FHIT: variants seen among roughly 807,000 people sequenced by gnomAD.
The protein encoded by FHIT is bis(5'-adenosyl)-triphosphatase.
Under a neutral mutation model 17.9 loss-of-function variants are expected in FHIT, and 19 were observed. The ratio of observed to expected loss-of-function variants is 1.06; its 90% CI spans 0.74 to 1.56. The LOEUF is 1.56. Among genes scored for constraint, FHIT ranks in the 40% most tolerant of loss-of-function variants. FHIT has a pLI of 0.00. For synonymous variants in FHIT, 81 were observed against 69.7 expected (o/e 1.16, Z -0.81); for missense variants, 248 against 189.2 (o/e 1.31, Z -1.82).
At chr3:61,141,099 C>A (rs554872956) in intron 2 of FHIT, among the ~76,000 whole-genome samples, 1 of 152,110 alleles carries the variant, frequency 6.6e-6, no homozygotes, top group South Asian at 2.1e-4. Context: ...GTCATCTGAT[C>A]ACCTTTCACA....
chr3:61,175,053 C>A (rs562375091), intron 2 of FHIT, among the ~76,000 whole-genome samples: 14 of 151,954 alleles, frequency 9.2e-5, no homozygotes, highest in Non-Finnish European at 1.5e-4. Flanking sequence ...GCGAAACCCT[C>A]ACGAAAGGTT....
chr3:60,035,422 G>A (rs1465848779), intron 5 of FHIT, among the ~76,000 whole-genome samples: 2 of 152,202 alleles, frequency 1.3e-5, no homozygotes, highest in African/African-American at 2.4e-5. Context: ...ATTTTTAGTA[G>A]AGAAGAGGTT....
intron 5 of FHIT, among the ~76,000 whole-genome samples, chr3:60,185,372 T>C (rs1487193773): frequency 6.6e-6 from 1 of 152,208 alleles, no homozygotes; most frequent in African/African-American, 2.4e-5. Flanking sequence ...AGTTGCATCA[T>C]GCAGTAGATA....
At chr3:60,732,571 G>A (rs948955193) in intron 4 of FHIT, 16 of 612,182 alleles carry the variant, frequency 2.6e-5, no homozygotes, top group African/African-American at 7.3e-5. Context: ...CAAACAGCTC[G>A]AAGGAGACGC....
intron 5 of FHIT, among the ~76,000 whole-genome samples, chr3:60,099,161 T>C (rs907736265): frequency 2.0e-5 from 3 of 152,144 alleles, no homozygotes; most frequent in African/African-American, 7.2e-5. Context: ...ACCCCATACT[T>C]GTCTCCTACT....
intron 8 of FHIT, among the ~76,000 whole-genome samples, chr3:59,752,640 A>ATG (rs1700981811): frequency 6.6e-6 from 1 of 152,058 alleles, no homozygotes; most frequent in African/African-American, 2.4e-5. Context: ...GTGGCAAGTG[A>ATG]CTGGACCATC....
At chr3:59,906,125 CG>C (rs1261850081) in intron 8 of FHIT, among the ~76,000 whole-genome samples, 2 of 152,196 alleles carry the variant, frequency 1.3e-5, no homozygotes, top group Non-Finnish European at 2.9e-5. Flanking sequence ...TCTGGCATTG[CG>C]TGTCTCTGGC....
At chr3:61,186,716 C>G (rs2038525440) in intron 2 of FHIT, among the ~76,000 whole-genome samples, 2 of 152,286 alleles carry the variant, frequency 1.3e-5, no homozygotes, top group South Asian at 4.1e-4. Context: ...GTAAGCTATC[C>G]TGTGGCCTTG....
At chr3:60,445,769 A>T (rs1297375448) in intron 5 of FHIT, among the ~76,000 whole-genome samples, 1 of 149,212 alleles carries the variant, frequency 6.7e-6, no homozygotes, top group East Asian at 2.0e-4. Flanking sequence ...TGATTTCACC[A>T]AACTAGCAAA....
At chr3:59,753,185 T>C (rs1701013995) in intron 8 of FHIT, among the ~76,000 whole-genome samples, 1 of 152,108 alleles carries the variant, frequency 6.6e-6, no homozygotes, top group Non-Finnish European at 1.5e-5. Flanking sequence ...GAACCAAATT[T>C]ATGATAATGA....
intron 5 of FHIT, among the ~76,000 whole-genome samples, chr3:60,129,330 C>T (rs1458609836): frequency 6.6e-6 from 1 of 152,154 alleles, no homozygotes; most frequent in Non-Finnish European, 1.5e-5. Context: ...GCATGAGCCA[C>T]TGTGCCTGGC....
intron 1 of FHIT, among the ~76,000 whole-genome samples, chr3:61,224,380 A>C (rs1225607498): frequency 6.6e-6 from 1 of 152,208 alleles, no homozygotes; most frequent in African/African-American, 2.4e-5. Flanking sequence ...GACTAGACCC[A>C]AAATGGTAAC....
intron 5 of FHIT, among the ~76,000 whole-genome samples, chr3:60,331,130 T>C (rs535523640): frequency 2.6e-5 from 4 of 152,310 alleles, no homozygotes; most frequent in Non-Finnish European, 5.9e-5. Flanking sequence ...ACCTACACTA[T>C]GCTCTAGACA....
chr3:60,693,718 G>A (rs547985082), intron 4 of FHIT, among the ~76,000 whole-genome samples: 14 of 152,292 alleles, frequency 9.2e-5, no homozygotes, highest in African/African-American at 1.9e-4. Flanking sequence ...CAAACTTTCT[G>A]TACAGCAGAT....
intron 5 of FHIT, among the ~76,000 whole-genome samples, chr3:60,465,886 G>C (rs2107429748): frequency 6.6e-6 from 1 of 152,012 alleles, no homozygotes; most frequent in East Asian, 1.9e-4. Context: ...GTGGTATTAT[G>C]TAAATGCTAA....
chr3:61,103,535 T>A (rs143404764), intron 2 of FHIT, among the ~76,000 whole-genome samples: 1 of 152,280 alleles, frequency 6.6e-6, no homozygotes, highest in South Asian at 2.1e-4. Flanking sequence ...ATTCTGTTGA[T>A]TTGGAGTGGA....
intron 2 of FHIT, among the ~76,000 whole-genome samples, chr3:61,098,557 A>G (rs115591593): frequency 0.015 from 2,227 of 152,328 alleles, 26 homozygotes; most frequent in Non-Finnish European, 0.022. Context: ...GGCCATTTGC[A>G]TGATATTTAT....
At chr3:60,695,649 T>G (rs1261577856) in intron 4 of FHIT, among the ~76,000 whole-genome samples, 1 of 152,148 alleles carries the variant, frequency 6.6e-6, no homozygotes, top group Non-Finnish European at 1.5e-5. Context: ...GCAGAGTGCC[T>G]AATCCCTAAC....
At chr3:60,654,099 G>C (rs911530492) in intron 4 of FHIT, among the ~76,000 whole-genome samples, 1 of 117,120 alleles carries the variant, frequency 8.5e-6, no homozygotes, top group African/African-American at 3.4e-5. Flanking sequence ...TCCTGTCTTC[G>C]TCACATTATG....
Sources: allele counts gnomAD v4.1 joint callset (sites outside exome capture counted in the v4.1 genomes callset), GRCh38; gene constraint gnomAD v4.1.1; transcripts MANE v1.5; gene names NCBI Gene and HGNC (gene_info 2026-07-23, HGNC 2026-07-21).